SORCS3: variants seen among roughly 807,000 people sequenced by gnomAD.
SORCS3 encodes the protein VPS10 domain-containing receptor SorCS3.
In SORCS3, 57 loss-of-function variants were observed where a neutral mutation model predicts 146.3. That is an observed-to-expected ratio of 0.39 (90% CI 0.31 to 0.49). The LOEUF is 0.49. Ranked by LOEUF, SORCS3 falls within the 20% of genes least tolerant of loss-of-function variation. SORCS3 has a pLI of 0.92. For missense variants in SORCS3, 1,341 were observed against 1,575.5 expected, an observed-to-expected ratio of 0.85 and a Z score of 2.52; for synonymous variants, 653 against 618.5, an observed-to-expected ratio of 1.06 and a Z score of -0.83.
At chr10:105,055,297 C>G (rs116164970) in intron 5 of SORCS3, among the ~76,000 whole-genome samples, 71 of 152,240 alleles carry the variant, frequency 4.7e-4, no homozygotes, top group African/African-American at 1.6e-3. Flanking sequence ...AGTTGCTAGT[C>G]GATACCCTTA....
chr10:104,757,428 GGGATACT>G (rs1156418243), intron 1 of SORCS3, among the ~76,000 whole-genome samples: 4 of 152,186 alleles, frequency 2.6e-5, no homozygotes, highest in Non-Finnish European at 5.9e-5. Flanking sequence ...TGCAAGGCAA[GGGATACT>G]TGTCCTTCAG....
intron 3 of SORCS3, among the ~76,000 whole-genome samples, chr10:104,923,393 C>T (rs1221791026): frequency 1.3e-5 from 2 of 152,150 alleles, no homozygotes; most frequent in Non-Finnish European, 2.9e-5. Context: ...TGTTGGCTGG[C>T]CAAGCCCTGT....
chr10:105,078,909 T>G (rs1409311124), intron 5 of SORCS3, among the ~76,000 whole-genome samples: 1 of 152,128 alleles, frequency 6.6e-6, no homozygotes, highest in Non-Finnish European at 1.5e-5. Context: ...CTGAGCTGCA[T>G]TAGTGATCTG....
intron 13 of SORCS3, among the ~76,000 whole-genome samples, chr10:105,177,763 T>C (rs1470093961): frequency 6.6e-6 from 1 of 152,086 alleles, no homozygotes; most frequent in African/African-American, 2.4e-5. Context: ...GAACCTCAGG[T>C]TCCATTCTGA....
At chr10:104,936,975 G>T (rs2019266364) in intron 3 of SORCS3, among the ~76,000 whole-genome samples, 1 of 152,184 alleles carries the variant, frequency 6.6e-6, no homozygotes, top group Non-Finnish European at 1.5e-5. Flanking sequence ...CAAAACAGTG[G>T]TCCCCAACCT....
chr10:105,038,108 G>C (rs2055317813), intron 4 of SORCS3, among the ~76,000 whole-genome samples: 2 of 152,196 alleles, frequency 1.3e-5, no homozygotes, highest in African/African-American at 4.8e-5. Flanking sequence ...ACATACAGTG[G>C]AAAGAAGGGA....
chr10:105,142,371 A>G (rs551285153), intron 8 of SORCS3, among the ~76,000 whole-genome samples: 1 of 152,332 alleles, frequency 6.6e-6, no homozygotes, highest in Admixed American at 6.5e-5. Flanking sequence ...GACAAGATTC[A>G]GACGTCTGTC....
intron 4 of SORCS3, among the ~76,000 whole-genome samples, chr10:104,992,377 C>G (rs2054999592): frequency 6.6e-6 from 1 of 152,162 alleles, no homozygotes; most frequent in African/African-American, 2.4e-5. Flanking sequence ...ATTTTAGAAC[C>G]ATGGCTATTT....
intron 20 of SORCS3, among the ~76,000 whole-genome samples, chr10:105,232,586 GT>G (rs937259896): frequency 2.2e-4 from 33 of 147,870 alleles, no homozygotes; most frequent in African/African-American, 4.4e-4. Flanking sequence ...TTACCTTGGA[GT>G]TTTTTTTTTC....
intron 4 of SORCS3, among the ~76,000 whole-genome samples, chr10:105,018,391 A>T (rs945477635): frequency 9.2e-5 from 14 of 152,106 alleles, no homozygotes; most frequent in Non-Finnish European, 1.5e-4. Context: ...CTGCAGTTGG[A>T]TTGGACCTGG....
chr10:105,089,170 C>G (rs181583101), intron 5 of SORCS3, among the ~76,000 whole-genome samples: 2 of 152,310 alleles, frequency 1.3e-5, no homozygotes, highest in African/African-American at 4.8e-5. Flanking sequence ...GGTTTTCCAT[C>G]TTTCTCACCA....
At chr10:104,662,093 T>C (rs987763763) in intron 1 of SORCS3, among the ~76,000 whole-genome samples, 3 of 152,216 alleles carry the variant, frequency 2.0e-5, no homozygotes, top group Non-Finnish European at 4.4e-5. Context: ...ACATGGCTAA[T>C]AAGCTTCAGA....
At chr10:104,990,026 T>A (rs751584779) in intron 4 of SORCS3, among the ~76,000 whole-genome samples, 13 of 152,240 alleles carry the variant, frequency 8.5e-5, no homozygotes, top group Non-Finnish European at 1.8e-4. Context: ...TCTATTCTAG[T>A]GTGCTCCTGC....
intron 4 of SORCS3, among the ~76,000 whole-genome samples, chr10:105,024,254 G>A (rs2055213827): frequency 6.6e-6 from 1 of 152,024 alleles, no homozygotes; most frequent in African/African-American, 2.4e-5. Flanking sequence ...ACCCTACTGT[G>A]CTTTTGTGAG....
At chr10:104,691,990 G>A (rs1441949047) in intron 1 of SORCS3, among the ~76,000 whole-genome samples, 1 of 152,108 alleles carries the variant, frequency 6.6e-6, no homozygotes, top group African/African-American at 2.4e-5. Flanking sequence ...CCCCAGACAA[G>A]GGTCTGTTTT....
chr10:105,193,227 A>C (rs2119597817), intron 14 of SORCS3, among the ~76,000 whole-genome samples: 1 of 152,282 alleles, frequency 6.6e-6, no homozygotes, highest in Admixed American at 6.5e-5. Context: ...CCAGGGTGAC[A>C]AGGGACAGAG....
intron 3 of SORCS3, among the ~76,000 whole-genome samples, chr10:104,972,122 T>C (rs376536134): frequency 3.3e-5 from 5 of 152,282 alleles, no homozygotes; most frequent in South Asian, 4.1e-4. Context: ...GCAGATCACT[T>C]GAGGCCAGGA....
chr10:105,015,724 C>G (rs1021565172), intron 4 of SORCS3, among the ~76,000 whole-genome samples: 1 of 151,894 alleles, frequency 6.6e-6, no homozygotes, highest in African/African-American at 2.4e-5. Context: ...TAAGGTTCTA[C>G]TTCTTTTTTT....
Position 104,900,273 on chromosome 10 carries a change from C to G in SORCS3, c.696-15560C>G, listed in dbSNP as rs574272490. Among the ~76,000 whole-genome samples, 3 of 152,294 alleles carry G rather than the reference C, an allele frequency of 2.0e-5. No homozygotes were observed. The East Asian group carries it at 5.8e-4, about 29-fold the overall frequency. The stretch of plus-strand genomic sequence containing the variant: ...TCTCTCAGGCACTCAGGTTTGGTAT[C>G]TTTAAGATATCTTTACCTGTTCCTT... On this transcript the variant is annotated intron_variant, in intron 2 of 26. Transcript: ENST00000369701.
Sources: gnomAD v4.1 joint callset for allele counts (sites outside exome capture counted in the v4.1 genomes callset) on GRCh38, gnomAD v4.1.1 for gene constraint, MANE v1.5 for transcripts, NCBI Gene and HGNC (gene_info 2026-07-23, HGNC 2026-07-21) for gene names.